Variants in DRC11 observed in about 807,000 individuals in gnomAD.
DRC11 encodes the protein IQ and AAA domain-containing protein 1.
chr2:236,331,602 T>C, the DRC11 span: 1 of 1,605,930 alleles, frequency 6.2e-7, no homozygotes. This position sits in a 1 kb window ranked among gnomAD's most constrained non-coding sequence, Gnocchi z 4.8. Flanking sequence ...ACAGAACTGT[T>C]GTATCCAGAA....
chr2:236,342,364 C>A, the DRC11 span, among the ~76,000 whole-genome samples: 1 of 152,194 alleles, frequency 6.6e-6, no homozygotes, highest in Non-Finnish European at 1.5e-5. This position sits in a 1 kb window ranked among gnomAD's most constrained non-coding sequence, Gnocchi z 5.8. Context: ...TACGATGCCT[C>A]CTGGGCTCCT....
At chr2:236,443,726 G>T in the DRC11 span, among the ~76,000 whole-genome samples, 2 of 152,070 alleles carry the variant, frequency 1.3e-5, no homozygotes, top group Non-Finnish European at 2.9e-5. The surrounding 1 kb of genome is among the most constrained non-coding windows in gnomAD (Gnocchi z 4.4). Flanking sequence ...TACTCCTTTG[G>T]CTATATACCC....
At chr2:236,493,846 C>G in the DRC11 span, 1 of 1,606,854 alleles carries the variant, frequency 6.2e-7, no homozygotes, top group East Asian at 2.2e-5. Flanking sequence ...CTTCCAACTT[C>G]TCCTTCAAAA....
At chr2:236,455,607 C>T in the DRC11 span, among the ~76,000 whole-genome samples, 36 of 152,316 alleles carry the variant, frequency 2.4e-4, no homozygotes, top group African/African-American at 8.7e-4. The surrounding 1 kb of genome is among the most constrained non-coding windows in gnomAD (Gnocchi z 5.7). Context: ...TGTGGATTAG[C>T]TCTCAAATTC....
chr2:236,312,035 T>C, the DRC11 span, among the ~76,000 whole-genome samples: 1 of 152,208 alleles, frequency 6.6e-6, no homozygotes, highest in African/African-American at 2.4e-5. Context: ...TATAATATTT[T>C]AAATCATTAA....
At chr2:236,318,210 C>G in the DRC11 span, among the ~76,000 whole-genome samples, 5 of 150,114 alleles carry the variant, frequency 3.3e-5, no homozygotes, top group Non-Finnish European at 5.9e-5. This position sits in a 1 kb window ranked among gnomAD's most constrained non-coding sequence, Gnocchi z 7.0. Context: ...TCCTCTGACT[C>G]CCACGGGGAG....
At chr2:236,362,372 CCTT>C in the DRC11 span, among the ~76,000 whole-genome samples, 2 of 152,158 alleles carry the variant, frequency 1.3e-5, no homozygotes, top group East Asian at 1.9e-4. This position sits in a 1 kb window ranked among gnomAD's most constrained non-coding sequence, Gnocchi z 5.7. Flanking sequence ...TCTTCTTCCT[CCTT>C]CTCCTCAGCC....
the DRC11 span, among the ~76,000 whole-genome samples, chr2:236,461,485 A>G: frequency 2.0e-5 from 3 of 152,260 alleles, no homozygotes; most frequent in African/African-American, 4.8e-5. This position sits in a 1 kb window ranked among gnomAD's most constrained non-coding sequence, Gnocchi z 4.0. Flanking sequence ...ATGTAATTGA[A>G]TAAGAATGAA....
chr2:236,386,425 T>A, the DRC11 span, among the ~76,000 whole-genome samples: 1 of 151,948 alleles, frequency 6.6e-6, no homozygotes, highest in Non-Finnish European at 1.5e-5. Flanking sequence ...ATCCATTTCT[T>A]CTAGATTTTC....
the DRC11 span, among the ~76,000 whole-genome samples, chr2:236,487,193 G>A: frequency 6.6e-6 from 1 of 152,138 alleles, no homozygotes; most frequent in Non-Finnish European, 1.5e-5. Flanking sequence ...ATCTAAGGAC[G>A]GCACTTCATG....
chr2:236,351,195 G>A, the DRC11 span, among the ~76,000 whole-genome samples: 2 of 152,168 alleles, frequency 1.3e-5, no homozygotes, highest in Non-Finnish European at 2.9e-5. The surrounding 1 kb of genome is among the most constrained non-coding windows in gnomAD (Gnocchi z 7.3). Flanking sequence ...GAGTAATAAT[G>A]CAGGGTCCCT....
At chr2:236,353,310 A>T in the DRC11 span, among the ~76,000 whole-genome samples, 1 of 152,200 alleles carries the variant, frequency 6.6e-6, no homozygotes. This position sits in a 1 kb window ranked among gnomAD's most constrained non-coding sequence, Gnocchi z 5.0. Context: ...ATAAAGACAA[A>T]TTTCCACCGT....
chr2:236,343,710 G>A, the DRC11 span: 1 of 1,303,586 alleles, frequency 7.7e-7, no homozygotes, highest in Non-Finnish European at 1.0e-6. This position sits in a 1 kb window ranked among gnomAD's most constrained non-coding sequence, Gnocchi z 6.6. Flanking sequence ...ACCTACTTGT[G>A]GACCTTTTCA....
chr2:236,481,947 T>G, the DRC11 span, among the ~76,000 whole-genome samples: 1 of 148,948 alleles, frequency 6.7e-6, no homozygotes, highest in Non-Finnish European at 1.5e-5. Flanking sequence ...CTATGTATAA[T>G]TCTACATATT....
At chr2:236,468,828 G>A in the DRC11 span, among the ~76,000 whole-genome samples, 1 of 152,206 alleles carries the variant, frequency 6.6e-6, no homozygotes, top group Admixed American at 6.5e-5. Flanking sequence ...TTGTTTTGAA[G>A]TCTTGTATTA....
At chr2:236,401,645 GGCT>G in the DRC11 span, among the ~76,000 whole-genome samples, 1 of 152,170 alleles carries the variant, frequency 6.6e-6, no homozygotes, top group African/African-American at 2.4e-5. This position sits in a 1 kb window ranked among gnomAD's most constrained non-coding sequence, Gnocchi z 4.6. Context: ...TGAAGACCTA[GGCT>G]GAGAGCGTGA....
At chr2:236,459,601 A>ATACG in the DRC11 span, among the ~76,000 whole-genome samples, 9 of 121,546 alleles carry the variant, frequency 7.4e-5, no homozygotes, top group African/African-American at 2.1e-4. Flanking sequence ...ATACGTATAC[A>ATACG]TATATACGTA....
the DRC11 span, among the ~76,000 whole-genome samples, chr2:236,418,589 C>G: frequency 6.6e-6 from 1 of 152,014 alleles, no homozygotes; most frequent in South Asian, 2.1e-4. Context: ...AAGACCCCCC[C>G]AGTTATTGGC....
chr2:236,342,649 T>C, the DRC11 span, among the ~76,000 whole-genome samples: 2 of 152,166 alleles, frequency 1.3e-5, no homozygotes, highest in Non-Finnish European at 2.9e-5. The surrounding 1 kb of genome is among the most constrained non-coding windows in gnomAD (Gnocchi z 5.8). Flanking sequence ...CGTGTAGAGC[T>C]GGGCATGCAC....
Sources: gnomAD v4.1 joint callset for allele counts (sites outside exome capture counted in the v4.1 genomes callset) on GRCh38, gnomAD v4.1.1 for gene constraint, Gnocchi (gnomAD v3.1) non-coding constraint, MANE v1.5 for transcripts, NCBI Gene and HGNC (gene_info 2026-07-23, HGNC 2026-07-21) for gene names.